DGCR2: variants seen among roughly 807,000 people sequenced by gnomAD.
The protein encoded by DGCR2 is DiGeorge syndrome critical region gene 2, also known as integral membrane protein DGCR2/IDD.
Under a neutral mutation model 51.6 loss-of-function variants are expected in DGCR2, and 24 were observed. The observed-to-expected ratio is 0.47, with a 90% CI of 0.34 to 0.65. The LOEUF (loss-of-function observed/expected upper bound fraction) is 0.65, where lower values mean the gene tolerates loss of function less well. Ranked by LOEUF, DGCR2 falls within the 30% of genes least tolerant of loss-of-function variation. The pLI is 0.01. For missense variants in DGCR2, 765 were observed against 772.1 expected (o/e 0.99, Z 0.11); for synonymous variants, 340 against 315.4 (o/e 1.08, Z -0.82).
chr22:19,114,400 T>C lies in DGCR2; in HGVS notation c.79+7728A>G, dbSNP rs537007355. 6.6e-5 allele frequency among the ~76,000 whole-genome samples: 10 copies of C among 152,274 alleles called. No homozygotes were observed. In the East Asian group the frequency reaches 1.5e-3, roughly 23 times the overall value. On this transcript the variant is annotated intron_variant, in intron 1 of 9. Transcript: ENST00000263196. ...TGGTCTAGCAGGCATCCTTCGCAAA[T>C]AGGGTAGATGGGGAAATCCGAAGAG...
chr22:19,087,647 G>C (rs1326255582), intron 2 of DGCR2, among the ~76,000 whole-genome samples: 1 of 150,866 alleles, frequency 6.6e-6, no homozygotes, highest in African/African-American at 2.4e-5. Context: ...CAAAAGTGTT[G>C]GGATTATAAG....
intron 1 of DGCR2, among the ~76,000 whole-genome samples, chr22:19,101,921 G>C (rs2083206803): frequency 6.6e-6 from 1 of 151,806 alleles, no homozygotes; most frequent in Non-Finnish European, 1.5e-5. Flanking sequence ...TGGGTATGGT[G>C]GCACACGCCT....
chr22:19,100,284 A>T (rs996109440), intron 1 of DGCR2, among the ~76,000 whole-genome samples: 3 of 152,004 alleles, frequency 2.0e-5, no homozygotes, highest in South Asian at 2.1e-4. Context: ...AAAGAAAAAG[A>T]AAGTCACCCC....
chr22:19,067,067 C>A (rs2082757968), intron 3 of DGCR2, among the ~76,000 whole-genome samples: 2 of 152,226 alleles, frequency 1.3e-5, no homozygotes, highest in South Asian at 4.1e-4. Context: ...CCTGGAAACA[C>A]CTGGCCCCAC....
chr22:19,071,172 C>T (rs1276770648), intron 2 of DGCR2, among the ~76,000 whole-genome samples: 1 of 152,208 alleles, frequency 6.6e-6, no homozygotes, highest in African/African-American at 2.4e-5. Flanking sequence ...ACATCTGCTC[C>T]GACTCTGGGC....
At chr22:19,116,377 T>C (rs2083373593) in intron 1 of DGCR2, among the ~76,000 whole-genome samples, 1 of 152,246 alleles carries the variant, frequency 6.6e-6, no homozygotes, top group Non-Finnish European at 1.5e-5. Context: ...AATGGCAGGA[T>C]GAGATGGACT....
At chr22:19,108,822 G>A (rs866442746) in intron 1 of DGCR2, among the ~76,000 whole-genome samples, 4 of 148,642 alleles carry the variant, frequency 2.7e-5, no homozygotes, top group Middle Eastern at 3.3e-3. Context: ...AGGAGCTCAA[G>A]ACCAGCCTGA....
At chr22:19,052,530 A>G (rs1280951352) in intron 6 of DGCR2, among the ~76,000 whole-genome samples, 1 of 152,110 alleles carries the variant, frequency 6.6e-6, no homozygotes, top group Non-Finnish European at 1.5e-5. Flanking sequence ...CAAAGACTGG[A>G]AACAGCCCAG....
At chr22:19,079,585 A>G (rs1378890515) in intron 2 of DGCR2, among the ~76,000 whole-genome samples, 2 of 152,242 alleles carry the variant, frequency 1.3e-5, no homozygotes, top group South Asian at 2.1e-4. Context: ...GTAACTGCTA[A>G]TTGAGGGATT....
intron 2 of DGCR2, among the ~76,000 whole-genome samples, chr22:19,083,350 A>C (rs145334129): frequency 6.6e-6 from 1 of 152,238 alleles, no homozygotes; most frequent in East Asian, 1.9e-4. Context: ...CCCTGAGCCA[A>C]TTTTGAAGTA....
chr22:19,092,267 C>G (rs1203608105), intron 1 of DGCR2, among the ~76,000 whole-genome samples: 1 of 152,000 alleles, frequency 6.6e-6, no homozygotes, highest in Non-Finnish European at 1.5e-5. Context: ...TCGCTTGAAC[C>G]TGGGAGGCAG....
At chr22:19,079,811 T>C (rs981992473) in intron 2 of DGCR2, among the ~76,000 whole-genome samples, 2 of 152,288 alleles carry the variant, frequency 1.3e-5, no homozygotes, top group African/African-American at 2.4e-5. Context: ...CAGAGCTGGC[T>C]GCCTCAGGCC....
intron 6 of DGCR2, among the ~76,000 whole-genome samples, chr22:19,050,919 T>C (rs1477753572): frequency 6.6e-6 from 1 of 152,214 alleles, no homozygotes; most frequent in Non-Finnish European, 1.5e-5. Context: ...CTGGTTTCAG[T>C]GGCTCGCACC....
chr22:19,111,840 T>C (rs966888066), intron 1 of DGCR2, among the ~76,000 whole-genome samples: 1 of 130,930 alleles, frequency 7.6e-6, no homozygotes, highest in Non-Finnish European at 1.6e-5. Context: ...CTCTTTTTTG[T>C]TTTTATTTTT....
intron 1 of DGCR2, among the ~76,000 whole-genome samples, chr22:19,116,539 G>A (rs1165211060): frequency 2.6e-5 from 4 of 152,082 alleles, no homozygotes; most frequent in South Asian, 2.1e-4. Context: ...CGGGATTACC[G>A]AGCCCACTCT....
intron 2 of DGCR2, among the ~76,000 whole-genome samples, chr22:19,079,771 C>T (rs1345408439): frequency 6.6e-6 from 1 of 152,248 alleles, no homozygotes; most frequent in Non-Finnish European, 1.5e-5. Context: ...TGGCTCAAGC[C>T]CCCACATTTA....
At chr22:19,056,906 C>A (rs1041290242) in intron 6 of DGCR2, 80 bp downstream of exon 6, 4 of 1,446,742 alleles carry the variant, frequency 2.8e-6, no homozygotes, top group Non-Finnish European at 3.7e-6. Flanking sequence ...GTTCTGCCTC[C>A]GAAACCTTGA....
chr22:19,088,047 C>T (rs1272042020), intron 2 of DGCR2, among the ~76,000 whole-genome samples: 1 of 152,170 alleles, frequency 6.6e-6, no homozygotes, highest in Admixed American at 6.5e-5. Context: ...TATTTTGGAA[C>T]CCCCCCTCAA....
intron 5 of DGCR2, among the ~76,000 whole-genome samples, chr22:19,059,045 C>G (rs1369079648): frequency 6.6e-6 from 1 of 152,224 alleles, no homozygotes; most frequent in Non-Finnish European, 1.5e-5. Context: ...TTTGGAGCAT[C>G]CCTGGAAGAG....
Sources: allele counts gnomAD v4.1 joint callset (sites outside exome capture counted in the v4.1 genomes callset), GRCh38; gene constraint gnomAD v4.1.1; transcripts MANE v1.5; gene names NCBI Gene and HGNC (gene_info 2026-07-23, HGNC 2026-07-21).